The following BLM variants were observed in gnomAD, a reference collection of about 807,000 sequenced individuals.
The protein encoded by BLM is recQ-like DNA helicase BLM.
A neutral mutation model predicts 135.3 loss-of-function variants in BLM; 95 were observed. The observed-to-expected ratio is 0.70, with a 90% CI of 0.59 to 0.83. The LOEUF (loss-of-function observed/expected upper bound fraction) is 0.83, where lower values mean the gene tolerates loss of function less well. BLM is among the 40% of genes least tolerant of loss of function. BLM has a pLI of 0.00. For missense variants in BLM, 1,518 were observed against 1,663.9 expected (o/e 0.91, Z 1.53); for synonymous variants, 520 against 589.2 (o/e 0.88, Z 1.70).
At position 90,784,966 on chromosome 15, in the gene BLM, C is replaced by T. The variant is rs777584683; in HGVS notation, c.2708C>T (p.Thr903Ile). 6.2e-7 allele frequency: 1 copy of T among 1,614,112 alleles called. No homozygotes were observed. Residue 903 changes from threonine to isoleucine, a missense_variant, in exon 14 of 22, where the codon ACC (threonine) becomes ATC (isoleucine). By Grantham distance (89) the Thr-to-Ile change is moderately conservative. Transcript: ENST00000355112. ...TGCCTCTCCAGGCGAGAATGTGACACCATGGCTGACACGTTACAGAGAGAT... is the reference window on the plus strand; with the variant it reads ...TGCCTCTCCAGGCGAGAATGTGACATCATGGCTGACACGTTACAGAGAGAT... ...IYCLSRRECDTMADTLQRDGL... is the reference protein window; with the variant it reads ...IYCLSRRECDIMADTLQRDGL...
chr15:90,722,529 G>A (rs1001929834), intron 1 of BLM, among the ~76,000 whole-genome samples: 1 of 152,086 alleles, frequency 6.6e-6, no homozygotes, highest in African/African-American at 2.4e-5. Flanking sequence ...GGAGGTTGCA[G>A]TGAGCCTAGA....
intron 17 of BLM, among the ~76,000 whole-genome samples, chr15:90,802,769 C>A (rs757239228): frequency 2.0e-5 from 3 of 151,868 alleles, no homozygotes; most frequent in Non-Finnish European, 4.4e-5. Flanking sequence ...GTAGTGAGAC[C>A]CTCGTCTCTA....
At chr15:90,761,308 A>G in intron 7 of BLM, 53 bp downstream of exon 7, 1 of 1,291,230 alleles carries the variant, frequency 7.7e-7, no homozygotes, top group Non-Finnish European at 1.0e-6. Context: ...GTCCCAAAAT[A>G]GGAATTATAT....
intron 12 of BLM, 150 bp downstream of exon 12, chr15:90,769,736 A>G (rs1161990877): frequency 1.0e-6 from 1 of 963,934 alleles, no homozygotes; most frequent in Non-Finnish European, 1.6e-6. Context: ...CAGCTAAATC[A>G]GAACGTTTGG....
chr15:90,792,174 C>G (rs1379577729), intron 15 of BLM, among the ~76,000 whole-genome samples: 3 of 149,632 alleles, frequency 2.0e-5, no homozygotes, highest in African/African-American at 7.4e-5. Flanking sequence ...GGCACGATCT[C>G]GGCCCACTGC....
intron 1 of BLM, among the ~76,000 whole-genome samples, chr15:90,733,235 T>A (rs1895114781): frequency 6.6e-6 from 1 of 152,268 alleles, no homozygotes; most frequent in African/African-American, 2.4e-5. Context: ...ATAACAGGAT[T>A]AATTTATGTA....
At chr15:90,779,348 C>G (rs1896562440) in intron 12 of BLM, among the ~76,000 whole-genome samples, 1 of 152,084 alleles carries the variant, frequency 6.6e-6, no homozygotes, top group Non-Finnish European at 1.5e-5. Flanking sequence ...TAATAAAACA[C>G]TTTTCTGAAA....
intron 8 of BLM, 99 bp from the exon 9 acceptor site, chr15:90,765,197 G>T: frequency 1.1e-6 from 1 of 946,270 alleles, no homozygotes; most frequent in Non-Finnish European, 1.7e-6. Context: ...GGGACAATAT[G>T]CCTTGGTGTC....
chr15:90,778,362 C>G (rs913419808), intron 12 of BLM, among the ~76,000 whole-genome samples: 1 of 152,178 alleles, frequency 6.6e-6, no homozygotes, highest in South Asian at 2.1e-4. Context: ...TTTTTAGTAA[C>G]AGCTTTGTTG....
intron 1 of BLM, among the ~76,000 whole-genome samples, chr15:90,746,116 G>T (rs181196801): frequency 6.6e-6 from 1 of 152,274 alleles, no homozygotes; most frequent in Admixed American, 6.5e-5. Flanking sequence ...TCCTGCTAAT[G>T]AGTGAAAGAA....
chr15:90,799,651 A>T (rs372631284), intron 17 of BLM, among the ~76,000 whole-genome samples: 22,694 of 143,816 alleles, frequency 0.16, 1,938 homozygotes, highest in Non-Finnish European at 0.19. Flanking sequence ...AAAAAAAAAA[A>T]TTAAGACATA....
At chr15:90,719,899 T>C (rs1413869928) in intron 1 of BLM, among the ~76,000 whole-genome samples, 1 of 152,228 alleles carries the variant, frequency 6.6e-6, no homozygotes. Flanking sequence ...CTTGGCATGA[T>C]ACCAGAGGCT....
chr15:90,800,004 G>A (rs367647547), intron 17 of BLM, among the ~76,000 whole-genome samples: 1 of 152,180 alleles, frequency 6.6e-6, no homozygotes, highest in African/African-American at 2.4e-5. Flanking sequence ...TTTAAGTGTG[G>A]TGTGAAGTCT....
At chr15:90,811,131 G>A in intron 20 of BLM, 74 bp from the exon 21 acceptor site, 1 of 1,514,038 alleles carries the variant, frequency 6.6e-7, no homozygotes, top group Non-Finnish European at 9.2e-7. Context: ...CCTGCAGCGT[G>A]TCTCTTCATA....
rs773935119 is a variant in BLM, at chr15:90,803,728, ATT to A, written c.3558+12_3558+13del. 2.4e-5 allele frequency: 38 copies of A among 1,612,786 alleles called. No homozygotes were observed. The highest frequency in any genetic ancestry group is 3.3e-4 in the Middle Eastern group (2 of 6,070). ...CTAAATGGCAATTTAAAGGTATAGT[ATT>A]TTTCATGTTTATTTTATTATCTCAC... On this transcript the variant is annotated intron_variant, in intron 18 of 21. Coordinates refer to ENST00000355112, the MANE Select transcript of BLM (RefSeq NM_000057.4).
intron 17 of BLM, among the ~76,000 whole-genome samples, chr15:90,800,550 C>G (rs1481430107): frequency 3.3e-5 from 5 of 152,114 alleles, no homozygotes; most frequent in South Asian, 4.1e-4. Context: ...CGTGGTGGCA[C>G]ACACCAGTAA....
chr15:90,762,870 C>T (rs143177399), intron 7 of BLM, 96 bp from the exon 8 acceptor site: 57 of 1,131,344 alleles, frequency 5.0e-5, no homozygotes, highest in African/African-American at 9.3e-5. Context: ...TGCAGGGAAA[C>T]GTGTGCCAGT....
At chr15:90,725,802 C>T (rs1393361297) in intron 1 of BLM, among the ~76,000 whole-genome samples, 3 of 151,886 alleles carry the variant, frequency 2.0e-5, no homozygotes, top group Non-Finnish European at 2.9e-5. Context: ...TGAGCCACCG[C>T]GCCCAGCCTA....
At position 90,808,582 on chromosome 15, in the gene BLM, G is replaced by C. The variant is rs28385147; in HGVS notation, c.3752-555G>C. 1.6e-3 allele frequency among the ~76,000 whole-genome samples: 245 copies of C among 152,360 alleles called. 1 individual carries two copies. The highest frequency in any genetic ancestry group is 2.8e-3 in the Non-Finnish European group (192 of 68,038). ...AAATGACAGGCTTGTCTAGCTGCAA[G>C]ACTGATATGCGACCTCTATGCAGAG... On this transcript the variant is annotated intron_variant, in intron 19 of 21. Transcript: ENST00000355112.
Sources: gnomAD v4.1 joint callset for allele counts (sites outside exome capture counted in the v4.1 genomes callset) on GRCh38, gnomAD v4.1.1 for gene constraint, MANE v1.5 for transcripts, NCBI Gene and HGNC (gene_info 2026-07-23, HGNC 2026-07-21) for gene names.